PRAMEF11: variants seen among roughly 807,000 people sequenced by gnomAD.
The protein encoded by PRAMEF11 is PRAME family member 11.
Under a neutral mutation model 33.6 loss-of-function variants are expected in PRAMEF11, and 17 were observed. The ratio of observed to expected loss-of-function variants is 0.51; its 90% CI spans 0.35 to 0.76. PRAMEF11 has a LOEUF of 0.76. Among genes scored for constraint, PRAMEF11 ranks in the 30% least tolerant of loss-of-function variants. The pLI, the probability that PRAMEF11 is intolerant of heterozygous loss-of-function variation, is 0.01. For missense variants in PRAMEF11, 568 were observed against 567.0 expected (o/e 1.00, Z -0.02); for synonymous variants, 205 against 227.3 (o/e 0.90, Z 0.88).
rs756514383 is a variant in PRAMEF11, at chr1:12,827,592, C to G, written c.532G>C (p.Asp178His). 2.5e-6 allele frequency: 4 copies of G among 1,609,482 alleles called. No homozygotes were observed. The highest frequency in any genetic ancestry group is 2.3e-5 in the East Asian group (1 of 44,382). ...TTCTTACAGCACAGGTGTAGTAAAT[C>G]TCTCCTCTGCTTGACCCATAGAAGG... ...CLLLWVKQRR[D>H]LLHLCCKKLK... Residue 178 changes from aspartate to histidine, a missense_variant, in exon 3 of 4, where the codon GAT becomes CAT. By Grantham distance (81) the Asp-to-His change is moderately conservative. Coordinates refer to ENST00000619922, the MANE Select transcript of PRAMEF11 (RefSeq NM_001146344.3).
In PRAMEF11 at chr1:12,829,849, G is replaced by A. The variant is rs61494838; in HGVS notation, c.-16-1044C>T. Among the ~76,000 whole-genome samples, 14 of 151,302 alleles carry A rather than the reference G, an allele frequency of 9.3e-5. 2 individuals carry two copies. In the East Asian group the frequency reaches 2.7e-3, roughly 30 times the overall value. The stretch of plus-strand genomic sequence containing the variant: ...CATTATACCACTCCACTCCAGCCTG[G>A]GAAATAGGCTAGATTGAACAGAGAG... On this transcript the variant is annotated intron_variant, in intron 1 of 3. Coordinates refer to ENST00000619922, the MANE Select transcript of PRAMEF11 (RefSeq NM_001146344.3).
Position 12,828,671 on chromosome 1 carries a change from G to T in PRAMEF11, c.119C>A (p.Pro40Gln), listed in dbSNP as rs758708685. ...CCTGCTGAAGGCCTCCATGAACAGT[G>T]GGGGGAAAAGTTCCGTGGGCAGCTC... Reference protein sequence around the residue: ...LEELPTELFPPLFMEAFSRRR... With the variant: ...LEELPTELFPQLFMEAFSRRR... The change falls in exon 2 of 4, where the codon CCA becomes CAA. Residue 40 changes from proline to glutamine, a missense_variant. By Grantham distance (76) the Pro-to-Gln change is moderately conservative. This residue lies in a region of PRAMEF11 where 342 missense variants were observed against 312.0 expected (regional missense o/e 1.10). Transcript: ENST00000619922. 6 of 1,610,396 alleles carry T rather than the reference G, an allele frequency of 3.7e-6. No homozygotes were observed. Among genetic ancestry groups the T allele is most frequent in the Non-Finnish European group, 5.1e-6 (6 of 1,178,012 alleles).
In PRAMEF11 at chr1:12,827,341, C is replaced by A. The variant is rs1186589647; in HGVS notation, c.783G>T (p.Gln261His). The change falls in exon 3 of 4, where the codon CAG (glutamine) becomes CAT (histidine). Residue 261 changes from glutamine to histidine, a missense_variant. Coordinates refer to ENST00000619922, the MANE Select transcript of PRAMEF11 (RefSeq NM_001146344.3). Reference protein sequence around the residue: ...SPEQKKEIVTQFTTQFLKLRC... With the variant: ...SPEQKKEIVTHFTTQFLKLRC... ...GCAGCTTGAGGAACTGAGTGGTGAA[C>A]TGGGTAACAATCTCCTTCTTCTGCT... is the stretch of plus-strand genomic sequence containing the variant. The A allele has an allele frequency of 1.9e-6, 3 of 1,599,396 alleles. No individual in the cohort carries two copies. The highest frequency in any genetic ancestry group is 1.1e-5 in the South Asian group (1 of 90,762).
intron 3 of PRAMEF11, among the ~76,000 whole-genome samples, chr1:12,826,331 ATG>A (rs1639867011): frequency 2.0e-5 from 3 of 148,488 alleles, no homozygotes; most frequent in South Asian, 2.2e-4. Context: ...AACTTTTACA[ATG>A]GGAATTAGAG....
rs543413243 is a variant in PRAMEF11 at position 12,827,006 on chromosome 1, T to G, written c.875+243A>C. ...CCCTCACTAGATCTGAACCCCCCAG[T>G]AGCTAGCTTCCTAGCATGGCAGCCT... On this transcript the variant is annotated intron_variant, in intron 3 of 3. Transcript: ENST00000619922. 8.1e-4 allele frequency among the ~76,000 whole-genome samples: 123 copies of G among 151,028 alleles called. 3 individuals are homozygous for G. Among genetic ancestry groups the G allele is most frequent in the Middle Eastern group, 6.9e-3 (2 of 290 alleles).
Position 12,827,719 on chromosome 1 carries a change from T to C in PRAMEF11, c.405A>G (p.Lys135=). The change falls in exon 3 of 4, where the codon AAA becomes AAG. Residue 135 remains lysine (K), a synonymous_variant. Coordinates refer to ENST00000619922, the MANE Select transcript of PRAMEF11 (RefSeq NM_001146344.3). The part of the protein sequence containing the change: ...GCFLNAKRNK[K]PVQDCPRMRG... ...TCATCCTTGGACAGTCCTGCACTGG[T>C]TTTTTGTTCCTCTTGGCATTGAGGA... The C allele has an allele frequency of 6.2e-7, 1 of 1,609,974 alleles. No individual in the cohort carries two copies. The highest frequency in any genetic ancestry group is 8.5e-7 in the Non-Finnish European group (1 of 1,178,100).
rs1639968758 is a variant in PRAMEF11, at chr1:12,829,809, G to A, written c.-16-1004C>T. Reference sequence around the variant, plus strand: ...GATCACTTGAACCCAGGAGGCAGAAGTTGCAGTGAGCTGACATTATACCAC... The same window carrying A: ...GATCACTTGAACCCAGGAGGCAGAAATTGCAGTGAGCTGACATTATACCAC... On this transcript the variant is annotated intron_variant, in intron 1 of 3. Coordinates refer to ENST00000619922, the MANE Select transcript of PRAMEF11 (RefSeq NM_001146344.3). Among the ~76,000 whole-genome samples, 2 of 151,132 alleles carry A rather than the reference G, an allele frequency of 1.3e-5. 1 individual carries two copies. The highest frequency in any genetic ancestry group is 3.0e-5 in the Non-Finnish European group (2 of 67,754).
In PRAMEF11 at chr1:12,827,409, G is replaced by A. The variant is rs748920956; in HGVS notation, c.715C>T (p.Leu239Phe). 10 of 1,606,446 alleles carry A rather than the reference G, an allele frequency of 6.2e-6. 1 individual carries two copies. The African/African-American group carries it at 9.4e-5, about 15-fold the overall frequency. The change falls in exon 3 of 4, where the codon CTC (leucine) becomes TTC (phenylalanine). Residue 239 changes from leucine to phenylalanine, a missense_variant. By Grantham distance (22) the Leu-to-Phe change is conservative. This residue lies in a region of PRAMEF11 where 342 missense variants were observed against 312.0 expected (regional missense o/e 1.10). Transcript: ENST00000619922. Reference sequence around the variant, plus strand: ...GAGACATCCATGTGGGAGAGAACGAGCTTCTGAAGATTCCTCAAGTGGCCC... The same window carrying A: ...GAGACATCCATGTGGGAGAGAACGAACTTCTGAAGATTCCTCAAGTGGCCC... ...YLGHLRNLQK[L>F]VLSHMDVSRY...
At chr1:12,827,102 A>G in intron 3 of PRAMEF11, 147 bp downstream of exon 3, 1 of 1,504,772 alleles carries the variant, frequency 6.6e-7, no homozygotes, top group South Asian at 1.3e-5. Flanking sequence ...ATTTCAGGAC[A>G]GGGCCGCCAA....
At chr1:12,828,471 C>T (rs1234579985) in intron 2 of PRAMEF11, 26 bp downstream of exon 2, 1 of 1,586,650 alleles carries the variant, frequency 6.3e-7, no homozygotes, top group African/African-American at 1.4e-5. Flanking sequence ...TGGGCCCTCC[C>T]CACCAGCCCA....
At chr1:12,827,894 C>T (rs1210629833) in intron 2 of PRAMEF11, 64 bp from the exon 3 acceptor site, 1 of 1,598,174 alleles carries the variant, frequency 6.3e-7, no homozygotes, top group Non-Finnish European at 8.5e-7. Flanking sequence ...AACTCCACAT[C>T]CTGCATAGCA....
rs763134370 is a variant in PRAMEF11, at chr1:12,827,445, T to C, written c.679A>G (p.Thr227Ala). 6.3e-5 allele frequency: 101 copies of C among 1,609,822 alleles called. 4 individuals carry two copies. Among genetic ancestry groups the C allele is most frequent in the Middle Eastern group, 1.7e-4 (1 of 6,020 alleles). Residue 227 changes from threonine (T) to alanine (A), a missense_variant, in exon 3 of 4, where the codon ACC (threonine) becomes GCC (alanine). Around this residue, in one of 3 missense-constraint regions of PRAMEF11, gnomAD observed 342 missense variants for 312.0 expected, o/e 1.10. Transcript: ENST00000619922. ...TTCCTCAAGTGGCCCAGGTATGGGG[T>C]AAACTGTGTCAGGATGGGCAGTATC... ...KWILPILTQFTPYLGHLRNLQ... is the reference protein window; with the variant it reads ...KWILPILTQFAPYLGHLRNLQ...
Position 12,827,406 on chromosome 1 carries a change from C to A in PRAMEF11, c.718G>T (p.Val240Phe), listed in dbSNP as rs769438971. 3 of 1,606,072 alleles carry A rather than the reference C, an allele frequency of 1.9e-6. No individual in the cohort carries two copies. Among genetic ancestry groups the A allele is most frequent in the Admixed American group, 1.7e-5 (1 of 59,766 alleles). Residue 240 changes from valine to phenylalanine, a missense_variant, in exon 3 of 4, where the codon GTT (valine) becomes TTT (phenylalanine). By Grantham distance (50) the Val-to-Phe change is conservative. Transcript: ENST00000619922. ...CGAGAGACATCCATGTGGGAGAGAA[C>A]GAGCTTCTGAAGATTCCTCAAGTGG... The part of the protein sequence containing the change: ...LGHLRNLQKL[V>F]LSHMDVSRYV...
At position 12,831,409 on chromosome 1, in the gene PRAMEF11, A is replaced by T. The variant is rs376206680; in HGVS notation, c.-70T>A. On this transcript the variant is annotated 5_prime_UTR_variant, in exon 1 of 4. Coordinates refer to ENST00000619922, the MANE Select transcript of PRAMEF11 (RefSeq NM_001146344.3). ...CAGACCTCAGGAAGAACCAAGCAGG[A>T]ACTCCAGGCTTGAAGACTTTGGGTC... 6.6e-6 allele frequency: 1 copy of T among 151,056 alleles called. No individual in the cohort carries two copies. The highest frequency in any genetic ancestry group is 1.5e-5 in the Non-Finnish European group (1 of 67,760). 9.4% of individuals were successfully genotyped at this position (151,056 alleles called of 1,614,324 possible).
intron 3 of PRAMEF11, among the ~76,000 whole-genome samples, chr1:12,825,979 A>T (rs1304017553): frequency 6.7e-6 from 1 of 150,132 alleles, no homozygotes; most frequent in Non-Finnish European, 1.5e-5. Context: ...ATTAAAAAAA[A>T]AAAAAGGAGA....
Position 12,825,072 on chromosome 1 carries a change from A to G in PRAMEF11, c.1307T>C (p.Ile436Thr), listed in dbSNP as rs1238927851. The change falls in exon 4 of 4, where the codon ATT becomes ACT. Residue 436 changes from isoleucine (I) to threonine (T), a missense_variant. Transcript: ENST00000619922. ...CACTTTCTTCATCAGCTCAGCCCTA[A>G]TTTGAGCAAATCTGCTCCAGCAGAG... ...GTLCWSRFAQ[I>T]RAELMKKVRH... 9 of 1,609,566 alleles carry G rather than the reference A, an allele frequency of 5.6e-6. No individual in the cohort carries two copies. Among genetic ancestry groups the G allele is most frequent in the Non-Finnish European group, 7.6e-6 (9 of 1,177,750 alleles).
At position 12,825,131 on chromosome 1, in the gene PRAMEF11, A is replaced by G. The variant is rs750313641; in HGVS notation, c.1248T>C (p.Pro416=). The change falls in exon 4 of 4, where the codon CCT becomes CCC. Residue 416 remains proline, a synonymous_variant. Transcript: ENST00000619922. ...CAGCACCATAACTTTCCTGCGGGGC[A>G]GGATACAGCTCCAGGCATAAGTTTT... ...ILKNLCLELY[P]APQESYGADG... 2 of 1,609,490 alleles carry G rather than the reference A, an allele frequency of 1.2e-6. No individual in the cohort carries two copies. The highest frequency in any genetic ancestry group is 1.7e-6 in the Non-Finnish European group (2 of 1,177,784).
intron 1 of PRAMEF11, among the ~76,000 whole-genome samples, chr1:12,829,786 T>C (rs1012713496): frequency 8.0e-5 from 12 of 150,868 alleles, no homozygotes; most frequent in Non-Finnish European, 1.3e-4. Flanking sequence ...GGTAGGAGGA[T>C]CACTTGAACC....
Position 12,824,745 on chromosome 1 carries a change from C to G in PRAMEF11, c.*197G>C. 1 of 858,774 alleles carries G rather than the reference C, an allele frequency of 1.2e-6. No individual in the cohort carries two copies. Among genetic ancestry groups the G allele is most frequent in the Non-Finnish European group, 1.8e-6 (1 of 568,416 alleles). 53.2% of individuals were successfully genotyped at this position (858,774 alleles called of 1,614,324 possible). A position where few individuals can be genotyped will look rare whatever the true frequency, so the allele number is the denominator to read the frequency against. ...TTTCGACTCTACAGGATACAGGTTC[C>G]CAAAGTCCCATTGAATCCATGGCAA... On this transcript the variant is annotated 3_prime_UTR_variant, in exon 4 of 4. Coordinates refer to ENST00000619922, the MANE Select transcript of PRAMEF11 (RefSeq NM_001146344.3).
Sources: allele counts gnomAD v4.1 joint callset (sites outside exome capture counted in the v4.1 genomes callset), GRCh38; gene constraint gnomAD v4.1.1; regional missense constraint gnomAD v4.1.1; transcripts MANE v1.5; gene names NCBI Gene and HGNC (gene_info 2026-07-23, HGNC 2026-07-21).